Variants in CDK5RAP2 observed in about 807,000 individuals in gnomAD.
CDK5RAP2 encodes the protein CDK5 regulatory subunit associated protein 2.
CDK5RAP2 carries 147 observed loss-of-function variants against 232.9 expected under a neutral mutation model. That is an observed-to-expected ratio of 0.63 (90% CI 0.55 to 0.72). CDK5RAP2 has a LOEUF of 0.72. Among genes scored for constraint, CDK5RAP2 ranks in the 30% least tolerant of loss-of-function variants. The pLI, the probability that CDK5RAP2 is intolerant of heterozygous loss-of-function variation, is 0.00. For synonymous variants in CDK5RAP2, 833 were observed against 833.7 expected (o/e 1.00, Z 0.01); for missense variants, 2,195 against 2,231.5 (o/e 0.98, Z 0.33).
intron 21 of CDK5RAP2, among the ~76,000 whole-genome samples, chr9:120,450,220 A>G (rs972003095): frequency 6.6e-6 from 1 of 152,248 alleles, no homozygotes; most frequent in Admixed American, 6.5e-5. Context: ...AATGAACCTC[A>G]AAAACAGTAT....
At chr9:120,551,479 T>A (rs1439575309) in intron 3 of CDK5RAP2, among the ~76,000 whole-genome samples, 1 of 152,222 alleles carries the variant, frequency 6.6e-6, no homozygotes, top group East Asian at 1.9e-4. Context: ...ATTGAAGGGA[T>A]AAACTAACAT....
intron 27 of CDK5RAP2, among the ~76,000 whole-genome samples, chr9:120,417,979 C>T (rs2034336242): frequency 6.6e-6 from 1 of 152,168 alleles, no homozygotes. Context: ...TGCAATTCAG[C>T]CACTCAATGG....
chr9:120,490,285 A>ATTTTTCAG (rs1336172481), intron 13 of CDK5RAP2, among the ~76,000 whole-genome samples: 1 of 152,064 alleles, frequency 6.6e-6, no homozygotes. Context: ...AATTGTCAGC[A>ATTTTTCAG]TTTTTCAGTT....
chr9:120,462,780 T>C (rs905653957), intron 18 of CDK5RAP2, among the ~76,000 whole-genome samples: 2 of 152,200 alleles, frequency 1.3e-5, no homozygotes, highest in African/African-American at 4.8e-5. Context: ...AGGCTCTTGA[T>C]AGGGGTTTGC....
chr9:120,526,218 A>T (rs927318854), intron 10 of CDK5RAP2, among the ~76,000 whole-genome samples: 6 of 152,014 alleles, frequency 3.9e-5, no homozygotes, highest in African/African-American at 1.5e-4. Context: ...CTCTCTCCAA[A>T]CTTTAGGCAT....
At chr9:120,549,657 T>G (rs1004881514) in intron 4 of CDK5RAP2, among the ~76,000 whole-genome samples, 1 of 152,216 alleles carries the variant, frequency 6.6e-6, no homozygotes, top group African/African-American at 2.4e-5. Flanking sequence ...AATGTACAGA[T>G]ACCCAAGACA....
chr9:120,392,358 G>C (rs2032067010), intron 36 of CDK5RAP2, among the ~76,000 whole-genome samples: 1 of 152,198 alleles, frequency 6.6e-6, no homozygotes, highest in Admixed American at 6.5e-5. Context: ...TCACATAGGA[G>C]AATGGAGATC....
intron 23 of CDK5RAP2, 105 bp downstream of exon 23, chr9:120,443,515 C>G (rs1261816138): frequency 1.6e-6 from 2 of 1,264,868 alleles, no homozygotes; most frequent in African/African-American, 2.9e-5. Context: ...GATAATAATG[C>G]CCTGAGAGGG....
intron 4 of CDK5RAP2, among the ~76,000 whole-genome samples, chr9:120,550,205 C>T (rs1367368698): frequency 6.6e-6 from 1 of 152,230 alleles, no homozygotes; most frequent in Non-Finnish European, 1.5e-5. Context: ...ATAGGCTTTT[C>T]TTCTGACAGT....
At chr9:120,518,068 T>C (rs1431695071) in intron 12 of CDK5RAP2, among the ~76,000 whole-genome samples, 1 of 152,042 alleles carries the variant, frequency 6.6e-6, no homozygotes, top group Non-Finnish European at 1.5e-5. Context: ...AAAAAATTGT[T>C]TTTGAAGAAC....
At chr9:120,423,532 G>A (rs1466287536) in intron 25 of CDK5RAP2, among the ~76,000 whole-genome samples, 4 of 152,174 alleles carry the variant, frequency 2.6e-5, no homozygotes, top group African/African-American at 9.7e-5. Context: ...GAATGTAGCT[G>A]GGCAAAAGAC....
At chr9:120,506,544 T>A (rs1186927176) in intron 12 of CDK5RAP2, among the ~76,000 whole-genome samples, 1 of 152,248 alleles carries the variant, frequency 6.6e-6, no homozygotes, top group East Asian at 1.9e-4. Flanking sequence ...GAAAACCTTT[T>A]GGAAAGGATT....
chr9:120,491,621 C>T, intron 12 of CDK5RAP2, 144 bp from the exon 13 acceptor site: 1 of 589,788 alleles, frequency 1.7e-6, no homozygotes, highest in African/African-American at 1.9e-5. Flanking sequence ...AAATCCTTCT[C>T]ACTTAAAATC....
intron 3 of CDK5RAP2, among the ~76,000 whole-genome samples, chr9:120,562,682 G>A (rs891783699): frequency 2.0e-5 from 3 of 151,662 alleles, no homozygotes; most frequent in Middle Eastern, 3.4e-3. Flanking sequence ...CTCTGGCCCC[G>A]CATGCCCCCA....
At chr9:120,410,419 C>T (rs778788470) in intron 29 of CDK5RAP2, among the ~76,000 whole-genome samples, 3 of 152,170 alleles carry the variant, frequency 2.0e-5, no homozygotes, top group Admixed American at 6.5e-5. Flanking sequence ...CCTCATCCTC[C>T]GTTCTTGAAG....
At chr9:120,522,475 T>C (rs562160569) in intron 11 of CDK5RAP2, among the ~76,000 whole-genome samples, 2 of 152,350 alleles carry the variant, frequency 1.3e-5, no homozygotes, top group African/African-American at 2.4e-5. Context: ...TATATATGCA[T>C]AAATATGCAT....
intron 3 of CDK5RAP2, 127 bp downstream of exon 3, chr9:120,568,194 A>G: frequency 1.3e-6 from 1 of 784,562 alleles, no homozygotes; most frequent in Non-Finnish European, 2.3e-6. Flanking sequence ...TGTCCATGAG[A>G]CATGGCACCC....
At chr9:120,472,120 G>A (rs886284396) in intron 15 of CDK5RAP2, among the ~76,000 whole-genome samples, 7 of 152,102 alleles carry the variant, frequency 4.6e-5, no homozygotes, top group Non-Finnish European at 1.0e-4. Flanking sequence ...TCCCCTATGC[G>A]TAATTTACAT....
intron 19 of CDK5RAP2, among the ~76,000 whole-genome samples, chr9:120,459,865 T>C (rs1360064412): frequency 6.6e-6 from 1 of 152,194 alleles, no homozygotes; most frequent in African/African-American, 2.4e-5. Context: ...AGGCCAAAAA[T>C]GCCAAATCTG....
Sources: allele counts gnomAD v4.1 joint callset (sites outside exome capture counted in the v4.1 genomes callset), GRCh38; gene constraint gnomAD v4.1.1; transcripts MANE v1.5; gene names NCBI Gene and HGNC (gene_info 2026-07-23, HGNC 2026-07-21).